LHX8: variants seen among roughly 807,000 people sequenced by gnomAD.
LHX8 encodes the protein LIM/homeobox protein Lhx8.
Under a neutral mutation model 40.3 loss-of-function variants are expected in LHX8, and 12 were observed. The observed-to-expected ratio is 0.30, with a 90% CI of 0.19 to 0.48. LHX8 has a LOEUF of 0.48. LHX8 is among the 20% of genes least tolerant of loss of function. The pLI, the probability that LHX8 is intolerant of heterozygous loss-of-function variation, is 0.99. For synonymous variants in LHX8, 179 were observed against 162.0 expected (o/e 1.10, Z -0.80); for missense variants, 344 against 433.7 (o/e 0.79, Z 1.84).
chr1:75,158,487 T>C (rs1032484142), intron 8 of LHX8, among the ~76,000 whole-genome samples: 1 of 152,204 alleles, frequency 6.6e-6, no homozygotes, highest in Admixed American at 6.5e-5. Context: ...TGAAGATATA[T>C]CTTCTATGAT....
chr1:75,169,212 GCCT>G, the LHX8 span, among the ~76,000 whole-genome samples: 14 of 152,130 alleles, frequency 9.2e-5, no homozygotes, highest in Non-Finnish European at 1.9e-4. Context: ...AGTCACACTG[GCCT>G]CCCAAGCTAT....
the LHX8 span, among the ~76,000 whole-genome samples, chr1:75,190,851 G>A: frequency 1.3e-5 from 2 of 152,064 alleles, no homozygotes; most frequent in Non-Finnish European, 2.9e-5. Flanking sequence ...TGTGCTAATA[G>A]TAATTCTGTG....
At chr1:75,186,992 A>T in the LHX8 span, among the ~76,000 whole-genome samples, 32 of 152,300 alleles carry the variant, frequency 2.1e-4, no homozygotes, top group Non-Finnish European at 3.2e-4. Flanking sequence ...AACTGCCTAG[A>T]CTGGTATCTT....
At chr1:75,130,988 C>T (rs1051868817), upstream of LHX8, 1 of 577,262 alleles carries the variant, frequency 1.7e-6, no homozygotes, top group African/African-American at 1.9e-5. Context: ...CCACCGCCTC[C>T]TACAGTCCTA....
At chr1:75,165,201 C>T (rs958446352), downstream of LHX8, among the ~76,000 whole-genome samples, 2 of 152,118 alleles carry the variant, frequency 1.3e-5, no homozygotes, top group African/African-American at 4.8e-5. Flanking sequence ...TTACATGGTC[C>T]TTCATACTTT....
chr1:75,161,308 G>T lies in LHX8; in HGVS notation c.*413G>T. On this transcript the variant is annotated 3_prime_UTR_variant, in exon 9 of 9. Coordinates refer to ENST00000356261, the MANE Select transcript of LHX8 (RefSeq NM_001256114.2). ...GTAATAAATATTACCTGTATTTTTTGTTATATACAACTTTATACTTTGAAG... is the reference window on the plus strand; with the variant it reads ...GTAATAAATATTACCTGTATTTTTTTTTATATACAACTTTATACTTTGAAG... 1 of 191,874 alleles carries T rather than the reference G, an allele frequency of 5.2e-6. No homozygotes were observed. The highest frequency in any genetic ancestry group is 1.1e-5 in the Non-Finnish European group (1 of 92,248). The allele number at this position is 191,874 out of a possible 1,614,324, so 11.9% of individuals were successfully genotyped here. A position where few individuals can be genotyped will look rare whatever the true frequency, so the allele number is the denominator to read the frequency against.
At chr1:75,167,535 C>T in the LHX8 span, among the ~76,000 whole-genome samples, 1 of 152,196 alleles carries the variant, frequency 6.6e-6, no homozygotes, top group African/African-American at 2.4e-5. Context: ...CAAATATCAT[C>T]CCCTCCAGGA....
chr1:75,174,153 T>C, the LHX8 span, among the ~76,000 whole-genome samples: 1 of 152,176 alleles, frequency 6.6e-6, no homozygotes, highest in African/African-American at 2.4e-5. Flanking sequence ...GAAATTACTT[T>C]CAGTTCTGTT....
At chr1:75,196,718 T>C in the LHX8 span, among the ~76,000 whole-genome samples, 1 of 152,198 alleles carries the variant, frequency 6.6e-6, no homozygotes, top group African/African-American at 2.4e-5. Context: ...CGGAAAGAGA[T>C]TGTTTTTTGT....
intron 8 of LHX8, chr1:75,159,345 G>C (rs1648854261): frequency 2.0e-5 from 3 of 151,868 alleles, no homozygotes; most frequent in Admixed American, 2.0e-4. Flanking sequence ...ACTGTGCCTG[G>C]GTGTGCTTCT....
At chr1:75,156,779 C>A in intron 7 of LHX8, 114 bp from the exon 8 acceptor site, 1 of 915,124 alleles carries the variant, frequency 1.1e-6, no homozygotes, top group Non-Finnish European at 1.8e-6. Context: ...TACATTTATG[C>A]GGTGCTTGTG....
intron 7 of LHX8, among the ~76,000 whole-genome samples, chr1:75,153,388 G>T (rs1358538988): frequency 2.6e-5 from 4 of 151,438 alleles, no homozygotes; most frequent in African/African-American, 9.7e-5. Flanking sequence ...ACAGGAGTGA[G>T]CCATCACGCC....
At chr1:75,174,748 G>T in the LHX8 span, among the ~76,000 whole-genome samples, 1 of 152,112 alleles carries the variant, frequency 6.6e-6, no homozygotes, top group Non-Finnish European at 1.5e-5. Context: ...GTGCTACAGT[G>T]CATGGTAGCA....
At chr1:75,178,092 G>A in the LHX8 span, among the ~76,000 whole-genome samples, 1 of 152,104 alleles carries the variant, frequency 6.6e-6, no homozygotes, top group Non-Finnish European at 1.5e-5. Flanking sequence ...TTTTATTGAG[G>A]ATTTTTGCAC....
rs912908956 is a variant in LHX8 at position 75,159,458 on chromosome 1, A to C, written c.965-1361A>C. 5 of 152,200 alleles carry C rather than the reference A, an allele frequency of 3.3e-5. No individual in the cohort carries two copies. In the East Asian group the frequency reaches 9.6e-4, roughly 29 times the overall value. The allele number at this position is 152,200 out of a possible 1,614,324, so 9.4% of individuals were successfully genotyped here. The stretch of plus-strand genomic sequence containing the variant: ...AAAAAATTTTCTTGTTTTCTTCTGA[A>C]CTATTTTTCTAGTTCACTAATGCTC... On this transcript the variant is annotated intron_variant, in intron 8 of 8. Coordinates refer to ENST00000356261, the MANE Select transcript of LHX8 (RefSeq NM_001256114.2).
chr1:75,179,597 G>T, the LHX8 span, among the ~76,000 whole-genome samples: 6 of 147,900 alleles, frequency 4.1e-5, no homozygotes, highest in South Asian at 1.3e-3. Flanking sequence ...CACATGAGAT[G>T]GGTCTCCTGA....
intron 8 of LHX8, 187 bp from the exon 9 acceptor site, chr1:75,160,632 A>T: frequency 1.7e-6 from 1 of 603,536 alleles, no homozygotes; most frequent in Non-Finnish European, 3.0e-6. Flanking sequence ...TGGGGGTAAA[A>T]CTGTTCCTGG....
chr1:75,149,577 A>T (rs923741264), intron 7 of LHX8, among the ~76,000 whole-genome samples: 2 of 152,122 alleles, frequency 1.3e-5, no homozygotes, highest in Non-Finnish European at 2.9e-5. Context: ...TTTTTGAAAC[A>T]GGGTCATGGG....
At chr1:75,183,279 T>A in the LHX8 span, 1 of 151,988 alleles carries the variant, frequency 6.6e-6, no homozygotes, top group Non-Finnish European at 1.5e-5. Flanking sequence ...ACAGAGAACC[T>A]CTGCAAGATT....
Sources: allele counts gnomAD v4.1 joint callset (sites outside exome capture counted in the v4.1 genomes callset), GRCh38; gene constraint gnomAD v4.1.1; transcripts MANE v1.5; gene names NCBI Gene and HGNC (gene_info 2026-07-23, HGNC 2026-07-21).